The following WNT3A variants were observed in gnomAD, a reference collection of about 807,000 sequenced individuals.
WNT3A encodes protein Wnt-3a.
Under a neutral mutation model 37.0 loss-of-function variants are expected in WNT3A, and 17 were observed. The observed-to-expected ratio is 0.46, with a 90% CI of 0.31 to 0.69. The LOEUF is 0.69. Ranked by LOEUF, WNT3A falls within the 30% of genes least tolerant of loss-of-function variation. The pLI is 0.05. For synonymous variants in WNT3A, 187 were observed against 211.0 expected (o/e 0.89, Z 0.99); for missense variants, 411 against 510.2 (o/e 0.81, Z 1.87).
At chr1:228,052,298 C>T (rs1350829865) in intron 3 of WNT3A, among the ~76,000 whole-genome samples, 1 of 151,940 alleles carries the variant, frequency 6.6e-6, no homozygotes, top group Non-Finnish European at 1.5e-5. Context: ...CGCATGCCAC[C>T]ACACCTGGCT....
In WNT3A at chr1:228,060,292, G is replaced by C; in HGVS notation, c.*827G>C. ...TCCATCCACCCCTGCGTCGAGCTGGGAAGGTTCCATGAAGCGAGTCGGGTC... is the reference window on the plus strand; with the variant it reads ...TCCATCCACCCCTGCGTCGAGCTGGCAAGGTTCCATGAAGCGAGTCGGGTC... On this transcript the variant is annotated 3_prime_UTR_variant, in exon 4 of 4. Transcript: ENST00000284523. The C allele has an allele frequency of 7.4e-7, 1 of 1,351,548 alleles. No individual in the cohort carries two copies. The highest frequency in any genetic ancestry group is 9.8e-7 in the Non-Finnish European group (1 of 1,021,368). 83.7% of individuals were successfully genotyped at this position (1,351,548 alleles called of 1,614,324 possible).
intron 2 of WNT3A, among the ~76,000 whole-genome samples, chr1:228,028,240 G>T (rs1442315029): frequency 3.4e-5 from 5 of 147,948 alleles, no homozygotes; most frequent in Non-Finnish European, 6.0e-5. Context: ...AGTATAATTT[G>T]TTTTTGCTTA....
chr1:228,017,319 G>A lies in WNT3A; in HGVS notation c.72-5348G>A, dbSNP rs564349959. Among the ~76,000 whole-genome samples, 70 of 152,312 alleles carry A rather than the reference G, an allele frequency of 4.6e-4. 1 individual carries two copies. Among genetic ancestry groups the A allele is most frequent in the African/African-American group, 1.5e-3 (62 of 41,554 alleles). On this transcript the variant is annotated intron_variant, in intron 1 of 3. Transcript: ENST00000284523. The stretch of plus-strand genomic sequence containing the variant: ...AGAGGAGCGATGCTGGGTATTGGAA[G>A]GGAGAAACAACCAGCTTCAGCAAGC...
At chr1:228,055,219 T>TATATGC (rs1422386068) in intron 3 of WNT3A, among the ~76,000 whole-genome samples, 1 of 98,486 alleles carries the variant, frequency 1.0e-5, no homozygotes, top group African/African-American at 4.7e-5. Flanking sequence ...TATATATATA[T>TATATGC]ACACACACAC....
At position 228,007,215 on chromosome 1, in the gene WNT3A, C is replaced by G. The variant is rs1214937775; in HGVS notation, c.71+16C>G. ...CGATCTGGTGGTGAGTGAGCCTCCTCGCGTTCGCCCCTGCCCCTGTGCGCC... is the reference window on the plus strand; with the variant it reads ...CGATCTGGTGGTGAGTGAGCCTCCTGGCGTTCGCCCCTGCCCCTGTGCGCC... On this transcript the variant is annotated intron_variant, in intron 1 of 3. Transcript: ENST00000284523. This position sits in a 1 kb window ranked among gnomAD's most constrained non-coding sequence, Gnocchi z 6.0. 5 of 1,596,992 alleles carry G rather than the reference C, an allele frequency of 3.1e-6. No individual in the cohort carries two copies. The highest frequency in any genetic ancestry group is 1.4e-5 in the African/African-American group (1 of 73,596).
intron 2 of WNT3A, among the ~76,000 whole-genome samples, chr1:228,044,763 C>T (rs1296889067): frequency 3.3e-5 from 5 of 152,198 alleles, no homozygotes; most frequent in Non-Finnish European, 5.9e-5. Context: ...GTTGCGGAAC[C>T]GCTTAGAGAC....
intron 2 of WNT3A, among the ~76,000 whole-genome samples, chr1:228,040,238 G>C (rs1278699937): frequency 6.6e-6 from 1 of 152,182 alleles, no homozygotes; most frequent in Non-Finnish European, 1.5e-5. Context: ...TGCAGCCTGG[G>C]GCCCATGGCT....
At chr1:228,036,070 T>C (rs903532528) in intron 2 of WNT3A, among the ~76,000 whole-genome samples, 1 of 152,024 alleles carries the variant, frequency 6.6e-6, no homozygotes, top group East Asian at 1.9e-4. Flanking sequence ...CAGGAGGCCA[T>C]TGTGGAGGCC....
intron 2 of WNT3A, among the ~76,000 whole-genome samples, chr1:228,026,550 C>T (rs534177540): frequency 3.0e-4 from 45 of 152,154 alleles, no homozygotes; most frequent in Admixed American, 2.2e-3. Context: ...GATTTTAGTG[C>T]ACCCCTCACC....
At position 228,022,697 on chromosome 1, in the gene WNT3A, C is replaced by A. The variant is rs1558286309; in HGVS notation, c.102C>A (p.Ser34=). ...TGGCTGTTGGGCCACAGTATTCCTC[C>A]CTGGGCTCGCAGCCCATCCTGTGTG... ...WSLAVGPQYS[S]LGSQPILCAS... is the part of the protein sequence containing the mutation. Residue 34 remains serine (S), a synonymous_variant, in exon 2 of 4, where the codon TCC becomes TCA. Transcript: ENST00000284523. 1 of 1,614,130 alleles carries A rather than the reference C, an allele frequency of 6.2e-7. No homozygotes were observed. The highest frequency in any genetic ancestry group is 8.5e-7 in the Non-Finnish European group (1 of 1,180,012).
chr1:228,055,827 C>T (rs558625394), intron 3 of WNT3A, among the ~76,000 whole-genome samples: 53 of 152,326 alleles, frequency 3.5e-4, no homozygotes, highest in Admixed American at 1.8e-3. Flanking sequence ...TCTTTGTAGC[C>T]AGGCAGCAGC....
intron 2 of WNT3A, among the ~76,000 whole-genome samples, chr1:228,028,392 C>T (rs891162561): frequency 6.7e-6 from 1 of 150,228 alleles, no homozygotes; most frequent in African/African-American, 2.5e-5. Context: ...CTCCCAGGTT[C>T]AAGCCATCTC....
Position 228,013,397 on chromosome 1 carries a change from G to A in WNT3A, c.71+6198G>A, listed in dbSNP as rs186397829. On this transcript the variant is annotated intron_variant, in intron 1 of 3. Coordinates refer to ENST00000284523, the MANE Select transcript of WNT3A (RefSeq NM_033131.4). Reference sequence around the variant, plus strand: ...GTGACACCCTGGAGGTGTCTCTCACGTTGCTGCTTCCACATTCCTTCCCCG... The same window carrying A: ...GTGACACCCTGGAGGTGTCTCTCACATTGCTGCTTCCACATTCCTTCCCCG... Among the ~76,000 whole-genome samples the A allele has an allele frequency of 3.2e-3, 480 of 152,310 alleles. 1 individual carries two copies. The highest frequency in any genetic ancestry group is 0.011 in the African/African-American group (438 of 41,584).
In WNT3A at chr1:228,050,415, A is replaced by G. The variant is rs1303584159; in HGVS notation, c.314-241A>G. On this transcript the variant is annotated intron_variant, in intron 2 of 3. Transcript: ENST00000284523. The surrounding 1 kb of genome is among the most constrained non-coding windows in gnomAD (Gnocchi z 5.0). ...TTCTTGCACACACTGGTTCCCCTTT[A>G]CGCCCCCTTTCCCTTCTGCCACAAG... 6.6e-6 allele frequency among the ~76,000 whole-genome samples: 1 copy of G among 151,838 alleles called. No individual in the cohort carries two copies. Among genetic ancestry groups the G allele is most frequent in the Non-Finnish European group, 1.5e-5 (1 of 67,960 alleles).
chr1:228,027,574 A>G (rs2030883294), intron 2 of WNT3A, among the ~76,000 whole-genome samples: 3 of 152,222 alleles, frequency 2.0e-5, no homozygotes, highest in Middle Eastern at 3.4e-3. Flanking sequence ...TGTACATCTT[A>G]TTTTGAGAAT....
intron 2 of WNT3A, among the ~76,000 whole-genome samples, chr1:228,026,066 G>A (rs1339145748): frequency 6.6e-6 from 1 of 151,530 alleles, no homozygotes; most frequent in African/African-American, 2.4e-5. Context: ...GCTTGTAATT[G>A]TTTTCTTAAT....
At chr1:228,058,276 C>G (rs995560932) in intron 3 of WNT3A, among the ~76,000 whole-genome samples, 10 of 152,232 alleles carry the variant, frequency 6.6e-5, no homozygotes, top group African/African-American at 2.4e-4. Flanking sequence ...TTCACACTGC[C>G]ATGCCTCATG....
At chr1:228,024,533 T>C (rs2030806964) in intron 2 of WNT3A, among the ~76,000 whole-genome samples, 1 of 152,226 alleles carries the variant, frequency 6.6e-6, no homozygotes, top group African/African-American at 2.4e-5. Flanking sequence ...TGTTGTTGAG[T>C]TGTGAGTGTT....
At position 228,060,105 on chromosome 1, in the gene WNT3A, C is replaced by T. The variant is rs1451105399; in HGVS notation, c.*640C>T. 1.6e-6 allele frequency: 2 copies of T among 1,279,392 alleles called. No individual in the cohort carries two copies. The highest frequency in any genetic ancestry group is 2.0e-6 in the Non-Finnish European group (2 of 985,220). 79.3% of individuals were successfully genotyped at this position (1,279,392 alleles called of 1,614,324 possible). On this transcript the variant is annotated 3_prime_UTR_variant, in exon 4 of 4. Transcript: ENST00000284523. Reference sequence around the variant, plus strand: ...CATAGGCTCCTTCCTGTGGGTGGGGCTTCTCTGGGACCAGGCTCCAATGGG... The same window carrying T: ...CATAGGCTCCTTCCTGTGGGTGGGGTTTCTCTGGGACCAGGCTCCAATGGG...
Sources: allele counts gnomAD v4.1 joint callset (sites outside exome capture counted in the v4.1 genomes callset), GRCh38; gene constraint gnomAD v4.1.1; non-coding constraint Gnocchi (gnomAD v3.1); transcripts MANE v1.5; gene names NCBI Gene and HGNC (gene_info 2026-07-23, HGNC 2026-07-21).